MECOM: variants seen among roughly 807,000 people sequenced by gnomAD.
MECOM encodes MDS1 and EVI1 complex locus, also known as histone-lysine N-methyltransferase MECOM.
In MECOM, 13 loss-of-function variants were observed where a neutral mutation model predicts 116.3. That is an observed-to-expected ratio of 0.11 (90% confidence interval 0.07 to 0.18). The LOEUF is 0.18. Among genes scored for constraint, MECOM ranks in the 10% least tolerant of loss-of-function variants. The pLI is 1.00. For missense variants in MECOM, 1,299 were observed against 1,509.0 expected (o/e 0.86, Z 2.31); for synonymous variants, 528 against 535.2 (o/e 0.99, Z 0.19).
intron 1 of MECOM, among the ~76,000 whole-genome samples, chr3:169,469,104 A>C (rs1748771968): frequency 6.6e-6 from 1 of 152,158 alleles, no homozygotes; most frequent in Admixed American, 6.5e-5. Flanking sequence ...CAAATTCCAT[A>C]AGGGGAGGAG....
At chr3:169,090,649 G>A (rs1286436565) in intron 14 of MECOM, among the ~76,000 whole-genome samples, 1 of 151,408 alleles carries the variant, frequency 6.6e-6, no homozygotes, top group East Asian at 1.9e-4. Flanking sequence ...TCACTCATGG[G>A]CCGTAGCTAC....
At chr3:169,371,100 A>G (rs75684345) in intron 2 of MECOM, among the ~76,000 whole-genome samples, 1,626 of 152,156 alleles carry the variant, frequency 0.011, 11 homozygotes, top group East Asian at 0.044. Flanking sequence ...ACAGTAGCCA[A>G]AATATAGAAA....
intron 1 of MECOM, among the ~76,000 whole-genome samples, chr3:169,562,899 T>C (rs1288238630): frequency 6.6e-6 from 1 of 151,932 alleles, no homozygotes; most frequent in East Asian, 1.9e-4. Flanking sequence ...CCATCTCTAC[T>C]AAAAATACAA....
At chr3:169,378,386 C>CAAGAAAGAAAGAAAGA (rs1195791276) in intron 2 of MECOM, among the ~76,000 whole-genome samples, 645 of 59,252 alleles carry the variant, frequency 0.011, 174 homozygotes, top group East Asian at 0.019. Context: ...GGAAGGAAGA[C>CAAGAAAGAAAGAAAGA]AAGAAAGAAA....
At chr3:169,492,259 A>G (rs1166528671) in intron 1 of MECOM, among the ~76,000 whole-genome samples, 3 of 152,346 alleles carry the variant, frequency 2.0e-5, no homozygotes, top group African/African-American at 7.2e-5. Context: ...GCTTTCAATG[A>G]AAAGCAAAAT....
intron 2 of MECOM, among the ~76,000 whole-genome samples, chr3:169,243,672 G>A (rs912808404): frequency 3.9e-5 from 6 of 152,030 alleles, no homozygotes; most frequent in East Asian, 1.9e-4. Flanking sequence ...AAAATAGAGC[G>A]TTTGAGTCCC....
intron 2 of MECOM, among the ~76,000 whole-genome samples, chr3:169,223,385 G>A (rs942068465): frequency 6.8e-6 from 1 of 147,554 alleles, no homozygotes; most frequent in Non-Finnish European, 1.5e-5. Flanking sequence ...AACATGTGGT[G>A]TTTGGTTTTC....
In MECOM at chr3:169,127,996, A is replaced by G. The variant is rs1733471288; in HGVS notation, c.678T>C (p.Asp226=). ...QLFESKAELA[D]HQKFPCSTPH... Reference sequence around the variant, plus strand: ...GAGTACTGCATGGAAACTTTTGGTGATCTGCTAGTTCAGCCTTAGATTCAA... The same window carrying G: ...GAGTACTGCATGGAAACTTTTGGTGGTCTGCTAGTTCAGCCTTAGATTCAA... The change falls in exon 5 of 17, where the codon GAT becomes GAC. Residue 226 remains aspartate, a synonymous_variant. Transcript: ENST00000651503. The G allele has an allele frequency of 6.2e-7, 1 of 1,614,044 alleles. No homozygotes were observed. Among genetic ancestry groups the G allele is most frequent in the African/African-American group, 1.3e-5 (1 of 75,022 alleles).
chr3:169,188,666 G>A (rs1747092994), intron 2 of MECOM, among the ~76,000 whole-genome samples: 1 of 152,084 alleles, frequency 6.6e-6, no homozygotes, highest in Admixed American at 6.6e-5. Flanking sequence ...CCATGACTCT[G>A]CCATTGTGCT....
intron 1 of MECOM, among the ~76,000 whole-genome samples, chr3:169,390,145 A>T (rs1254949172): frequency 6.6e-6 from 1 of 152,136 alleles, no homozygotes; most frequent in Non-Finnish European, 1.5e-5. Context: ...CTGTTTCCCT[A>T]TCCATAAAAT....
Position 169,662,446 on chromosome 3 carries a change from C to G in MECOM, c.37+890G>C, listed in dbSNP as rs532857096. On this transcript the variant is annotated intron_variant, in intron 1 of 16. Coordinates refer to ENST00000651503, the MANE Select transcript of MECOM (RefSeq NM_004991.4). ...TAGGCTGCCGCCGCTGGCTGTGTGCCCTCCACTCCCGGCTCTCCGAGCGCT... is the reference window on the plus strand; with the variant it reads ...TAGGCTGCCGCCGCTGGCTGTGTGCGCTCCACTCCCGGCTCTCCGAGCGCT... 5.3e-5 allele frequency among the ~76,000 whole-genome samples: 8 copies of G among 152,312 alleles called. No homozygotes were observed. In the South Asian group the frequency reaches 1.2e-3, roughly 24 times the overall value.
intron 1 of MECOM, among the ~76,000 whole-genome samples, chr3:169,644,219 T>C (rs1329074039): frequency 6.6e-6 from 1 of 151,834 alleles, no homozygotes; most frequent in Non-Finnish European, 1.5e-5. Flanking sequence ...GTTCCTCGCA[T>C]TTTATTTTAT....
At chr3:169,312,645 C>T (rs1393794461) in intron 2 of MECOM, among the ~76,000 whole-genome samples, 3 of 152,070 alleles carry the variant, frequency 2.0e-5, no homozygotes, top group Non-Finnish European at 4.4e-5. Context: ...CCCAAAGTGC[C>T]GGGATTACAG....
At chr3:169,142,389 C>A (rs1170446629) in intron 3 of MECOM, among the ~76,000 whole-genome samples, 1 of 151,934 alleles carries the variant, frequency 6.6e-6, no homozygotes, top group African/African-American at 2.4e-5. Context: ...AGGAGTATAA[C>A]ATTAATTCAC....
intron 2 of MECOM, among the ~76,000 whole-genome samples, chr3:169,144,578 A>G (rs17468502): frequency 0.14 from 21,534 of 152,078 alleles, 2,064 homozygotes; most frequent in Non-Finnish European, 0.19. Context: ...TTTTCATGAA[A>G]TTTTACATTT....
chr3:169,601,750 T>C (rs1350770973), intron 1 of MECOM, among the ~76,000 whole-genome samples: 3 of 152,168 alleles, frequency 2.0e-5, no homozygotes, highest in Non-Finnish European at 4.4e-5. Flanking sequence ...ACATAAACTT[T>C]CTAAATTGCA....
chr3:169,395,479 A>T (rs903889386), intron 1 of MECOM, among the ~76,000 whole-genome samples: 3 of 152,158 alleles, frequency 2.0e-5, no homozygotes, highest in Non-Finnish European at 2.9e-5. Flanking sequence ...TGACTACTAA[A>T]TTTACACACA....
intron 9 of MECOM, among the ~76,000 whole-genome samples, chr3:169,111,346 T>A (rs1186430266): frequency 1.3e-5 from 2 of 152,158 alleles, no homozygotes; most frequent in African/African-American, 4.8e-5. Context: ...TGTAATTAAT[T>A]TTTGTAACAT....
chr3:169,588,556 C>T (rs1444269852), intron 1 of MECOM, among the ~76,000 whole-genome samples: 2 of 152,096 alleles, frequency 1.3e-5, no homozygotes, highest in African/African-American at 4.8e-5. Flanking sequence ...TTTGTTTCTG[C>T]GTCAGACATA....
Sources: gnomAD v4.1 joint callset for allele counts (sites outside exome capture counted in the v4.1 genomes callset) on GRCh38, gnomAD v4.1.1 for gene constraint, MANE v1.5 for transcripts, NCBI Gene and HGNC (gene_info 2026-07-23, HGNC 2026-07-21) for gene names.